The following RERE variants were observed in gnomAD, a reference collection of about 807,000 sequenced individuals.
RERE encodes the protein arginine-glutamic acid dipeptide repeats.
In RERE, 40 loss-of-function variants were observed where a neutral mutation model predicts 146.1. The observed-to-expected ratio is 0.27, with a 90% CI of 0.21 to 0.36. The LOEUF is 0.36. Among genes scored for constraint, RERE ranks in the 10% least tolerant of loss-of-function variants. The pLI is 1.00. For missense variants in RERE, 1,933 were observed against 2,138.7 expected (o/e 0.90, Z 1.90); for synonymous variants, 1,003 against 866.0 (o/e 1.16, Z -2.78).
Position 8,695,587 on chromosome 1 carries a change from T to TAAAAA in RERE, c.-144-39151_-144-39147dup, listed in dbSNP as rs34953565. On this transcript the variant is annotated intron_variant, in intron 1 of 22. Coordinates refer to ENST00000400908, the MANE Select transcript of RERE (RefSeq NM_001042681.2). ...CAACATGGTGAAGCTCCATTTCTACTAAAAAAAAAAAAAAAAAAAAAAAAA... is the reference window on the plus strand; with the variant it reads ...CAACATGGTGAAGCTCCATTTCTACTAAAAAAAAAAAAAAAAAAAAAAAAAAAAAA... 1.3e-3 allele frequency among the ~76,000 whole-genome samples: 48 copies of TAAAAA among 36,738 alleles called. 7 individuals carry two copies. The highest frequency in any genetic ancestry group is 4.0e-3 in the African/African-American group (34 of 8,418). 24.1% of individuals were successfully genotyped at this position (36,738 alleles called of 152,430 possible).
chr1:8,413,910 C>G (rs1643683990), intron 12 of RERE, among the ~76,000 whole-genome samples: 2 of 151,906 alleles, frequency 1.3e-5, no homozygotes, highest in African/African-American at 4.8e-5. Context: ...ACAAAATTAG[C>G]CAGGCATGGT....
intron 1 of RERE, among the ~76,000 whole-genome samples, chr1:8,719,987 T>G (rs550501573): frequency 6.6e-6 from 1 of 152,108 alleles, no homozygotes; most frequent in South Asian, 2.1e-4. Flanking sequence ...CACTCATTAA[T>G]GGAACTTACA....
intron 12 of RERE, among the ~76,000 whole-genome samples, chr1:8,373,884 T>C (rs1478069272): frequency 2.6e-5 from 4 of 152,164 alleles, no homozygotes; most frequent in Non-Finnish European, 1.5e-5. Context: ...AGGCAACCGG[T>C]TGTCTTCCAG....
Position 8,791,412 on chromosome 1 carries a change from C to A in RERE, c.-145+25748G>T, listed in dbSNP as rs1489950324. Among the ~76,000 whole-genome samples the A allele has an allele frequency of 2.0e-5, 3 of 152,102 alleles. 1 individual carries two copies. The highest frequency in any genetic ancestry group is 2.0e-4 in the Admixed American group (3 of 15,272). ...GACCTCCAGGAGGGTAGGGACACAT[C>A]TTACTCATCTTTATATCCCCAATGC... On this transcript the variant is annotated intron_variant, in intron 1 of 22. Coordinates refer to ENST00000400908, the MANE Select transcript of RERE (RefSeq NM_001042681.2).
At chr1:8,482,681 C>CA (rs35501735) in intron 10 of RERE, among the ~76,000 whole-genome samples, 11,009 of 51,114 alleles carry the variant, frequency 0.22, 2,803 homozygotes, top group East Asian at 0.57. Flanking sequence ...GATTCTGTTG[C>CA]AAAAAAAAAA....
At chr1:8,786,640 C>A (rs1641264631) in intron 1 of RERE, 1 of 770,530 alleles carries the variant, frequency 1.3e-6, no homozygotes, top group Admixed American at 1.7e-5. Flanking sequence ...TGGGCTCACA[C>A]CATTGGCACC....
intron 1 of RERE, among the ~76,000 whole-genome samples, chr1:8,729,547 T>C (rs749555466): frequency 2.0e-5 from 3 of 152,112 alleles, no homozygotes; most frequent in Admixed American, 6.6e-5. Flanking sequence ...GTATTTTCTA[T>C]GGTTGTTTGT....
At chr1:8,546,238 C>T (rs1030275478) in intron 6 of RERE, among the ~76,000 whole-genome samples, 22 of 151,088 alleles carry the variant, frequency 1.5e-4, no homozygotes, top group Admixed American at 2.6e-4. Context: ...AGCTTGGCCT[C>T]TCAAAATGTT....
At chr1:8,399,924 C>T (rs1643191525) in intron 12 of RERE, among the ~76,000 whole-genome samples, 1 of 151,526 alleles carries the variant, frequency 6.6e-6, no homozygotes, top group South Asian at 2.1e-4. Flanking sequence ...GACAGAGTCT[C>T]ACTATGTCAT....
chr1:8,668,852 G>A (rs1638636605), intron 1 of RERE, among the ~76,000 whole-genome samples: 1 of 152,012 alleles, frequency 6.6e-6, no homozygotes, highest in South Asian at 2.1e-4. Context: ...TTCTGGGAAT[G>A]ATGAAAATGC....
chr1:8,707,216 T>C (rs1255019111), intron 1 of RERE, among the ~76,000 whole-genome samples: 1 of 152,244 alleles, frequency 6.6e-6, no homozygotes, highest in Non-Finnish European at 1.5e-5. Context: ...CAAAGCACTC[T>C]ATATTCTACA....
intron 1 of RERE, among the ~76,000 whole-genome samples, chr1:8,724,571 G>A (rs1639921687): frequency 6.6e-6 from 1 of 152,092 alleles, no homozygotes; most frequent in Non-Finnish European, 1.5e-5. Context: ...TTCTGGCCGG[G>A]CGCGGTGGCT....
chr1:8,533,186 A>G (rs1229826408), intron 7 of RERE, among the ~76,000 whole-genome samples: 1 of 98,276 alleles, frequency 1.0e-5, no homozygotes, highest in Non-Finnish European at 2.3e-5. Flanking sequence ...TACATTGCCA[A>G]CCTTGAAACA....
chr1:8,517,590 CTTTG>C (rs1172093553), intron 7 of RERE, among the ~76,000 whole-genome samples: 4 of 152,058 alleles, frequency 2.6e-5, no homozygotes, highest in Admixed American at 6.5e-5. Context: ...TTCTACAAAT[CTTTG>C]TTTTAGAATA....
At chr1:8,498,271 C>T (rs1374385192) in intron 8 of RERE, among the ~76,000 whole-genome samples, 1 of 152,126 alleles carries the variant, frequency 6.6e-6, no homozygotes, top group Non-Finnish European at 1.5e-5. Flanking sequence ...AGGCAGAGAA[C>T]TGCTTAAACC....
Position 8,439,160 on chromosome 1 carries a change from TTC to T in RERE, c.1204-16355_1204-16354del, listed in dbSNP as rs1165804676. On this transcript the variant is annotated intron_variant, in intron 11 of 22. Transcript: ENST00000400908. ...TAGCCAAGTGGCTGAAACAACAGACTTCTCTCTGTCAAAAATGTGTTTGAGAG... is the reference window on the plus strand; with the variant it reads ...TAGCCAAGTGGCTGAAACAACAGACTTCTCTGTCAAAAATGTGTTTGAGAG... 7.2e-5 allele frequency among the ~76,000 whole-genome samples: 11 copies of T among 152,330 alleles called. No homozygotes were observed. In the South Asian group the frequency reaches 1.2e-3, roughly 17 times the overall value.
At chr1:8,808,149 A>G (rs934447810) in intron 1 of RERE, among the ~76,000 whole-genome samples, 1 of 144,866 alleles carries the variant, frequency 6.9e-6, no homozygotes, top group Admixed American at 6.8e-5. Flanking sequence ...CCTTGTCTCA[A>G]AAAAAAAAAA....
chr1:8,683,357 G>A (rs1297462192), intron 1 of RERE, among the ~76,000 whole-genome samples: 1 of 152,004 alleles, frequency 6.6e-6, no homozygotes, highest in Non-Finnish European at 1.5e-5. Flanking sequence ...TGGCATAAAA[G>A]GGCACCACTT....
chr1:8,557,358 T>C lies in RERE; in HGVS notation c.628+60A>G, dbSNP rs1438812103. ...TTATCTTCATTTAATGAAATGTCTT[T>C]AGAAAGAACTTTGCCCAAAGCTAAG... On this transcript the variant is annotated intron_variant, in intron 5 of 22. Transcript: ENST00000400908. The C allele has an allele frequency of 3.4e-5, 38 of 1,118,748 alleles. No homozygotes were observed. In the East Asian group the frequency reaches 8.1e-4, roughly 24 times the overall value. The allele number at this position is 1,118,748 out of a possible 1,614,324, so 69.3% of individuals were successfully genotyped here. A position where few individuals can be genotyped will look rare whatever the true frequency, so the allele number is the denominator to read the frequency against.
Sources: allele counts gnomAD v4.1 joint callset (sites outside exome capture counted in the v4.1 genomes callset), GRCh38; gene constraint gnomAD v4.1.1; transcripts MANE v1.5; gene names NCBI Gene and HGNC (gene_info 2026-07-23, HGNC 2026-07-21).